NTF3: variants seen among roughly 807,000 people sequenced by gnomAD.
The protein encoded by NTF3 is neurotrophin-3.
A neutral mutation model predicts 26.3 loss-of-function variants in NTF3; 8 were observed. The observed-to-expected ratio is 0.30, with a 90% CI of 0.18 to 0.55. The LOEUF is 0.55. Ranked by LOEUF, NTF3 falls within the 20% of genes least tolerant of loss-of-function variation. The probability of loss-of-function intolerance (pLI) is 0.93; values close to 1 mark genes in which losing one functional copy is unlikely to be tolerated. For missense variants in NTF3, 276 were observed against 352.9 expected, an observed-to-expected ratio of 0.78 and a Z score of 1.75; for synonymous variants, 154 against 145.5, an observed-to-expected ratio of 1.06 and a Z score of -0.42.
At chr12:5,464,699 T>C (rs753716676) in intron 1 of NTF3, among the ~76,000 whole-genome samples, 8 of 152,180 alleles carry the variant, frequency 5.3e-5, no homozygotes, top group Non-Finnish European at 8.8e-5. Flanking sequence ...AGATTCTGTG[T>C]CATCACAGCT....
chr12:5,433,605 C>G lies in NTF3; in HGVS notation c.18+1263C>G, dbSNP rs1179427937. 1.5e-5 allele frequency among the ~76,000 whole-genome samples: 2 copies of G among 133,896 alleles called. No homozygotes were observed. The highest frequency in any genetic ancestry group is 3.3e-5 in the Non-Finnish European group (2 of 60,558). The allele number at this position is 133,896 out of a possible 152,430, so 87.8% of individuals were successfully genotyped here. ...GCTTCAGATGCACGGCACTGAGACC[C>G]TTGCGTCCGACGGTGTCGGGGCTGT... On this transcript the variant is annotated intron_variant, in intron 1 of 1. Coordinates refer to ENST00000423158, the MANE Select transcript of NTF3 (RefSeq NM_001102654.2). This position sits in a 1 kb window ranked among gnomAD's most constrained non-coding sequence, Gnocchi z 4.6.
At chr12:5,459,019 C>T (rs1490325189) in intron 1 of NTF3, among the ~76,000 whole-genome samples, 1 of 152,204 alleles carries the variant, frequency 6.6e-6, no homozygotes, top group Admixed American at 6.5e-5. Flanking sequence ...CGCCCTAGAA[C>T]TGGGGGCCGG....
chr12:5,490,560 G>A (rs1940922909), intron 1 of NTF3, among the ~76,000 whole-genome samples: 1 of 152,214 alleles, frequency 6.6e-6, no homozygotes, highest in African/African-American at 2.4e-5. Flanking sequence ...CCCCACTCCA[G>A]GGAACTGGCC....
At chr12:5,481,155 G>C (rs1461090604) in intron 1 of NTF3, among the ~76,000 whole-genome samples, 1 of 152,088 alleles carries the variant, frequency 6.6e-6, no homozygotes, top group East Asian at 1.9e-4. Flanking sequence ...TGCTAGCGCC[G>C]GGATGGTCTC....
At chr12:5,471,504 G>C (rs1466843175) in intron 1 of NTF3, among the ~76,000 whole-genome samples, 1 of 152,222 alleles carries the variant, frequency 6.6e-6, no homozygotes, top group Non-Finnish European at 1.5e-5. Flanking sequence ...GATTGCTGAG[G>C]GAAGCCAGGC....
rs371107992 is a variant in NTF3 at position 5,494,262 on chromosome 12, C to T, written c.87C>T (p.Ile29=). The part of the protein sequence containing the change: ...YVIFLAYLRG[I]QGNNMDQRSL... ...TATTTCTCGCTTATCTCCGTGGCAT[C>T]CAAGGTAACAACATGGATCAAAGGA... Residue 29 remains isoleucine (I), a synonymous_variant, in exon 2 of 2, where the codon ATC becomes ATT. Coordinates refer to ENST00000423158, the MANE Select transcript of NTF3 (RefSeq NM_001102654.2). The surrounding 1 kb of genome is among the most constrained non-coding windows in gnomAD (Gnocchi z 8.3). 7 of 1,614,102 alleles carry T rather than the reference C, an allele frequency of 4.3e-6. No individual in the cohort carries two copies. Among genetic ancestry groups the T allele is most frequent in the Non-Finnish European group, 5.9e-6 (7 of 1,180,022 alleles).
At chr12:5,468,060 CCAAA>C (rs1179891680) in intron 1 of NTF3, among the ~76,000 whole-genome samples, 1 of 152,176 alleles carries the variant, frequency 6.6e-6, no homozygotes, top group Non-Finnish European at 1.5e-5. Context: ...TTCTCTGTTC[CCAAA>C]CAAATTCCCC....
chr12:5,481,650 C>T (rs1231673908), intron 1 of NTF3, among the ~76,000 whole-genome samples: 1 of 129,214 alleles, frequency 7.7e-6, no homozygotes, highest in East Asian at 2.6e-4. Context: ...CAGATATACT[C>T]ACAGAATACA....
At position 5,456,609 on chromosome 12, in the gene NTF3, C is replaced by T. The variant is rs921136123; in HGVS notation, c.18+24267C>T. 6.6e-6 allele frequency among the ~76,000 whole-genome samples: 1 copy of T among 152,042 alleles called. No homozygotes were observed. The highest frequency in any genetic ancestry group is 1.5e-5 in the Non-Finnish European group (1 of 68,008). ...GTGAGCTCTGGGGGTCCTCTTCCAC[C>T]CCCACCCCCACCCCCAGCCCCTGGA... On this transcript the variant is annotated intron_variant, in intron 1 of 1. Transcript: ENST00000423158. This position sits in a 1 kb window ranked among gnomAD's most constrained non-coding sequence, Gnocchi z 4.4.
At chr12:5,475,504 T>C (rs1271476034) in intron 1 of NTF3, among the ~76,000 whole-genome samples, 1 of 152,106 alleles carries the variant, frequency 6.6e-6, no homozygotes, top group East Asian at 1.9e-4. Context: ...GAACATTATC[T>C]ACAGAGGAAG....
At chr12:5,451,537 TAG>T (rs939774148) in intron 1 of NTF3, among the ~76,000 whole-genome samples, 14 of 152,194 alleles carry the variant, frequency 9.2e-5, no homozygotes, top group Non-Finnish European at 1.8e-4. Flanking sequence ...ATGTTCAACA[TAG>T]AGAGTTAAGA....
intron 1 of NTF3, among the ~76,000 whole-genome samples, chr12:5,461,647 A>G (rs1420978957): frequency 6.6e-6 from 1 of 151,950 alleles, no homozygotes; most frequent in African/African-American, 2.4e-5. Context: ...TTCATTCTTC[A>G]TGCTCCATCA....
At chr12:5,489,851 A>G (rs558525959) in intron 1 of NTF3, among the ~76,000 whole-genome samples, 100 of 152,168 alleles carry the variant, frequency 6.6e-4, no homozygotes, top group African/African-American at 2.4e-3. Context: ...AATACCCCCA[A>G]ACCCTCTGTG....
chr12:5,444,839 C>T (rs989689918), intron 1 of NTF3, among the ~76,000 whole-genome samples: 6 of 152,114 alleles, frequency 3.9e-5, no homozygotes, highest in Admixed American at 6.5e-5. Flanking sequence ...AATGAGCAAA[C>T]GAATGCATGA....
At chr12:5,447,540 C>T (rs757620720) in intron 1 of NTF3, among the ~76,000 whole-genome samples, 43 of 152,328 alleles carry the variant, frequency 2.8e-4, no homozygotes, top group Non-Finnish European at 4.7e-4. Context: ...AATCACTGTA[C>T]GCACAACCTC....
chr12:5,437,687 G>T (rs117653207), intron 1 of NTF3, among the ~76,000 whole-genome samples: 5,423 of 152,276 alleles, frequency 0.036, 127 homozygotes, highest in Middle Eastern at 0.061. Flanking sequence ...AGTTTCTGGC[G>T]TTGGGGATGT....
At position 5,494,637 on chromosome 12, in the gene NTF3, G is replaced by A; in HGVS notation, c.462G>A (p.Glu154=). The change falls in exon 2 of 2, where the codon GAG becomes GAA. Residue 154 remains glutamate, a synonymous_variant. Transcript: ENST00000423158. The surrounding 1 kb of genome is among the most constrained non-coding windows in gnomAD (Gnocchi z 8.3). The part of the protein sequence containing the change: ...NRTSRRKRYA[E]HKSHRGEYSV... The stretch of plus-strand genomic sequence containing the variant: ...CATCACGGCGGAAACGGTACGCGGA[G>A]CATAAGAGTCACCGAGGGGAGTACT... 1.2e-6 allele frequency: 2 copies of A among 1,614,168 alleles called. No homozygotes were observed. Among genetic ancestry groups the A allele is most frequent in the Non-Finnish European group, 1.7e-6 (2 of 1,180,038 alleles).
At chr12:5,464,546 TGAG>T (rs2121196923) in intron 1 of NTF3, among the ~76,000 whole-genome samples, 1 of 152,302 alleles carries the variant, frequency 6.6e-6, no homozygotes, top group Non-Finnish European at 1.5e-5. Context: ...GGTCATAGGT[TGAG>T]GAGCATCTCC....
chr12:5,465,145 G>T (rs1940574092), intron 1 of NTF3, among the ~76,000 whole-genome samples: 1 of 152,162 alleles, frequency 6.6e-6, no homozygotes, highest in African/African-American at 2.4e-5. Context: ...TCAGTCCAGG[G>T]CTTCTCCCCA....
Sources: gnomAD v4.1 joint callset for allele counts (sites outside exome capture counted in the v4.1 genomes callset) on GRCh38, gnomAD v4.1.1 for gene constraint, Gnocchi (gnomAD v3.1) non-coding constraint, MANE v1.5 for transcripts, NCBI Gene and HGNC (gene_info 2026-07-23, HGNC 2026-07-21) for gene names.